CNTNAP3: variants seen among roughly 807,000 people sequenced by gnomAD.
CNTNAP3 encodes the protein contactin-associated protein-like 3.
In CNTNAP3, 36 loss-of-function variants were observed where a neutral mutation model predicts 92.1. That is an observed-to-expected ratio of 0.39 (90% confidence interval 0.30 to 0.52). The LOEUF (loss-of-function observed/expected upper bound fraction) is 0.52. Ranked by LOEUF, CNTNAP3 falls within the 20% of genes least tolerant of loss-of-function variation. The pLI, the probability that CNTNAP3 is intolerant of heterozygous loss-of-function variation, is 0.76. For synonymous variants in CNTNAP3, 232 were observed against 422.3 expected, an observed-to-expected ratio of 0.55 and a Z score of 5.53; for missense variants, 534 against 1,069.6, an observed-to-expected ratio of 0.50 and a Z score of 6.98.
At chr9:39,116,944 A>C (rs1164096059) in intron 14 of CNTNAP3, among the ~76,000 whole-genome samples, 2 of 152,056 alleles carry the variant, frequency 1.3e-5, no homozygotes, top group Non-Finnish European at 2.9e-5. Flanking sequence ...GTCCAAATCA[A>C]TTATACTGAC....
At chr9:39,122,246 T>A (rs1188834005) in intron 13 of CNTNAP3, among the ~76,000 whole-genome samples, 1 of 152,174 alleles carries the variant, frequency 6.6e-6, no homozygotes, top group African/African-American at 2.4e-5. Flanking sequence ...TCCCAGCTAC[T>A]CGGGAGGCTG....
chr9:39,087,545 G>A (rs1327520974), intron 19 of CNTNAP3, among the ~76,000 whole-genome samples: 1 of 151,956 alleles, frequency 6.6e-6, no homozygotes, highest in African/African-American at 2.4e-5. Context: ...GGAGTGCAGT[G>A]GCGCGATCTG....
Position 39,278,659 on chromosome 9 carries a change from T to G in CNTNAP3, c.85+9321A>C, listed in dbSNP as rs2118355984. Among the ~76,000 whole-genome samples, 2 of 30,692 alleles carry G rather than the reference T, an allele frequency of 6.5e-5. 1 individual carries two copies. The highest frequency in any genetic ancestry group is 2.0e-4 in the Non-Finnish European group (2 of 10,238). The allele number at this position is 30,692 out of a possible 152,430, so 20.1% of individuals were successfully genotyped here. The stretch of plus-strand genomic sequence containing the variant: ...ATAATGCCGCATATCTACAACTATC[T>G]GATCTTTGAGAAACCTGACAAAAAT... On this transcript the variant is annotated intron_variant, in intron 1 of 23. Transcript: ENST00000297668.
At chr9:39,078,966 T>A in intron 21 of CNTNAP3, 46 bp from the exon 22 acceptor site, 1 of 1,447,604 alleles carries the variant, frequency 6.9e-7, no homozygotes, top group Non-Finnish European at 9.3e-7. Context: ...GCGGCGGAGA[T>A]GGGGGCGCAG....
At chr9:39,153,803 C>A (rs1021091042) in intron 9 of CNTNAP3, among the ~76,000 whole-genome samples, 1 of 131,376 alleles carries the variant, frequency 7.6e-6, no homozygotes, top group Non-Finnish European at 1.6e-5. Context: ...AGATGATCCA[C>A]CCGCCTCAGC....
intron 2 of CNTNAP3, among the ~76,000 whole-genome samples, chr9:39,248,594 A>ATC (rs1822786262): frequency 3.3e-5 from 1 of 30,632 alleles, no homozygotes; most frequent in Non-Finnish European, 6.5e-5. Flanking sequence ...TTTTTTTTAC[A>ATC]TTTTTTTTTA....
At chr9:39,075,010 C>T (rs1165110544) in intron 23 of CNTNAP3, among the ~76,000 whole-genome samples, 15 of 152,260 alleles carry the variant, frequency 9.9e-5, no homozygotes, top group Non-Finnish European at 1.6e-4. Context: ...CCTCATGATC[C>T]GTCCGCCTCG....
intron 15 of CNTNAP3, among the ~76,000 whole-genome samples, chr9:39,105,078 T>C (rs1480077777): frequency 1.3e-5 from 2 of 152,192 alleles, no homozygotes; most frequent in East Asian, 1.9e-4. Flanking sequence ...CCAGTGGTGA[T>C]CTTCTAAGCT....
chr9:39,067,765 G>A lies in CNTNAP3; in HGVS notation c.*6125C>T, dbSNP rs1456592396. Among the ~76,000 whole-genome samples the A allele has an allele frequency of 0.051, 6,506 of 128,436 alleles. No individual in the cohort carries two copies. The highest frequency in any genetic ancestry group is 0.13 in the Middle Eastern group (31 of 234). 84.3% of individuals were successfully genotyped at this position (128,436 alleles called of 152,430 possible). ...GCTCAGAGATGCCAATTAGTTATTG[G>A]AAACGGTTTGATCTTTTTTTCCAAA... On this transcript the variant is annotated 3_prime_UTR_variant, in exon 24 of 24. Transcript: ENST00000297668.
chr9:39,075,376 G>A (rs1825733312), intron 23 of CNTNAP3, among the ~76,000 whole-genome samples: 1 of 151,376 alleles, frequency 6.6e-6, no homozygotes, highest in South Asian at 2.1e-4. Context: ...AGAATGCTGT[G>A]TACTGAAGCA....
At chr9:39,149,734 T>C in intron 10 of CNTNAP3, 72 bp downstream of exon 10, 1 of 836,328 alleles carries the variant, frequency 1.2e-6, no homozygotes, top group Non-Finnish European at 1.9e-6. Context: ...GAATGCCTTT[T>C]TCCAGCTGTC....
chr9:39,098,658 C>T (rs1164156337), intron 18 of CNTNAP3, among the ~76,000 whole-genome samples: 2 of 152,232 alleles, frequency 1.3e-5, no homozygotes, highest in Non-Finnish European at 2.9e-5. Context: ...TCTGTATTTG[C>T]ACCAGAGCTA....
chr9:39,174,665 CAAACTTT>C (rs1347896687), intron 7 of CNTNAP3: 1 of 676,806 alleles, frequency 1.5e-6, no homozygotes, highest in Non-Finnish European at 2.8e-6. Context: ...TTGGATATTT[CAAACTTT>C]AAACATTGAA....
At chr9:39,082,102 A>T (rs1278414191) in intron 21 of CNTNAP3, among the ~76,000 whole-genome samples, 1 of 148,602 alleles carries the variant, frequency 6.7e-6, no homozygotes, top group African/African-American at 2.5e-5. Flanking sequence ...AAAAAAACAA[A>T]GAAACTCAAA....
rs1209349363 is a variant in CNTNAP3, at chr9:39,109,148, G to C, written c.2365+12C>G. On this transcript the variant is annotated intron_variant, in intron 15 of 23. Coordinates refer to ENST00000297668, the MANE Select transcript of CNTNAP3 (RefSeq NM_033655.5). ...TATTATGAAAATAAAGCTTTTTCTT[G>C]ACACTACTTACGATCTCCGCGGCAG... 1.9e-6 allele frequency: 3 copies of C among 1,600,678 alleles called. No individual in the cohort carries two copies. The highest frequency in any genetic ancestry group is 2.2e-5 in the East Asian group (1 of 44,800).
intron 9 of CNTNAP3, among the ~76,000 whole-genome samples, chr9:39,157,582 G>A (rs1821980009): frequency 1.2e-5 from 1 of 81,102 alleles, no homozygotes; most frequent in Non-Finnish European, 2.7e-5. Flanking sequence ...TCTTGACCTT[G>A]TGATCCACCC....
intron 13 of CNTNAP3, among the ~76,000 whole-genome samples, chr9:39,121,434 G>A (rs1821016061): frequency 1.3e-5 from 2 of 152,086 alleles, no homozygotes; most frequent in African/African-American, 2.4e-5. Context: ...TTAAGAGTCT[G>A]GAAGTCATCG....
chr9:39,105,868 T>TA (rs1554715706), intron 15 of CNTNAP3, among the ~76,000 whole-genome samples: 28 of 120,406 alleles, frequency 2.3e-4, no homozygotes, highest in South Asian at 1.5e-3. Context: ...TCTCTCTCTC[T>TA]CACACACACA....
At position 39,122,682 on chromosome 9, in the gene CNTNAP3, C is replaced by T. The variant is rs563516713; in HGVS notation, c.2081-4423G>A. Among the ~76,000 whole-genome samples the T allele has an allele frequency of 2.0e-5, 3 of 152,312 alleles. No individual in the cohort carries two copies. In the South Asian group the frequency reaches 6.2e-4, roughly 32 times the overall value. ...TACCTCAGTTCCTTTGCCAATACAACATGTCTGGCTTTCAACAGAAAATTG... is the reference window on the plus strand; with the variant it reads ...TACCTCAGTTCCTTTGCCAATACAATATGTCTGGCTTTCAACAGAAAATTG... On this transcript the variant is annotated intron_variant, in intron 13 of 23. Transcript: ENST00000297668.
Sources: allele counts gnomAD v4.1 joint callset (sites outside exome capture counted in the v4.1 genomes callset), GRCh38; gene constraint gnomAD v4.1.1; transcripts MANE v1.5; gene names NCBI Gene and HGNC (gene_info 2026-07-23, HGNC 2026-07-21).